CLASP1: variants seen among roughly 807,000 people sequenced by gnomAD.
The protein encoded by CLASP1 is CLIP-associating protein 1.
Under a neutral mutation model 192.3 loss-of-function variants are expected in CLASP1, and 38 were observed. The observed-to-expected ratio is 0.20, with a 90% CI of 0.15 to 0.26. CLASP1 has a LOEUF of 0.26. CLASP1 is among the 10% of genes least tolerant of loss of function. The pLI is 1.00. For missense variants in CLASP1, 1,433 were observed against 1,932.5 expected, an observed-to-expected ratio of 0.74 and a Z score of 4.85; for synonymous variants, 691 against 712.8, an observed-to-expected ratio of 0.97 and a Z score of 0.49.
intron 2 of CLASP1, among the ~76,000 whole-genome samples, chr2:121,569,430 T>A (rs1410832598): frequency 6.6e-6 from 1 of 152,242 alleles, no homozygotes; most frequent in Non-Finnish European, 1.5e-5. Flanking sequence ...AAGAGACAGC[T>A]AGGGCTAGGC....
At position 121,560,907 on chromosome 2, in the gene CLASP1, G is replaced by GT. The variant is rs201630642; in HGVS notation, c.196-30583dup. Among the ~76,000 whole-genome samples, 1,373 of 151,912 alleles carry GT rather than the reference G, an allele frequency of 9.0e-3. 23 individuals carry two copies. The highest frequency in any genetic ancestry group is 0.031 in the African/African-American group (1,301 of 41,444). On this transcript the variant is annotated intron_variant, in intron 2 of 39. Transcript: ENST00000263710. ...CTGCCACCACAACTGGCTAATTTTT[G>GT]TTTTTTTTGTTTGTTTGTTTTTTGT...
intron 39 of CLASP1, among the ~76,000 whole-genome samples, chr2:121,344,934 G>C (rs112475708): frequency 1.5e-3 from 236 of 152,302 alleles, no homozygotes; most frequent in African/African-American, 5.4e-3. Flanking sequence ...AAGGCAGGAG[G>C]ATCACCTGAG....
chr2:121,438,446 T>C (rs1385000532), intron 19 of CLASP1, among the ~76,000 whole-genome samples: 2 of 152,218 alleles, frequency 1.3e-5, no homozygotes, highest in East Asian at 3.8e-4. Context: ...GTCCACCTTG[T>C]CATGGATATA....
At chr2:121,436,157 T>G (rs6749782) in intron 19 of CLASP1, among the ~76,000 whole-genome samples, 38,239 of 151,680 alleles carry the variant, frequency 0.25, 7,690 homozygotes, top group African/African-American at 0.56. Context: ...TCAGTTTCCC[T>G]AGTAGCTGGG....
chr2:121,593,542 C>T (rs762050509), intron 2 of CLASP1, among the ~76,000 whole-genome samples: 2 of 145,692 alleles, frequency 1.4e-5, no homozygotes, highest in Admixed American at 7.0e-5. Context: ...TCGCTTGATC[C>T]GGGGAGGCGG....
At chr2:121,500,401 G>GAAAGA (rs1559450327) in intron 8 of CLASP1, among the ~76,000 whole-genome samples, 1 of 105,628 alleles carries the variant, frequency 9.5e-6, no homozygotes, top group Admixed American at 1.1e-4. Context: ...AGAAAGAAAA[G>GAAAGA]AAAGAAAGAA....
intron 8 of CLASP1, among the ~76,000 whole-genome samples, chr2:121,482,975 G>A (rs1313899911): frequency 6.6e-6 from 1 of 152,120 alleles, no homozygotes; most frequent in Non-Finnish European, 1.5e-5. Context: ...TGCTAGGTTC[G>A]CAGAGCTGGG....
chr2:121,543,892 C>T lies in CLASP1; in HGVS notation c.196-13567G>A, dbSNP rs948324009. Among the ~76,000 whole-genome samples, 5 of 152,244 alleles carry T rather than the reference C, an allele frequency of 3.3e-5. No individual in the cohort carries two copies. In the South Asian group the frequency reaches 6.2e-4, roughly 19 times the overall value. ...GGATAGGAAATCATGGGGCAGTGAA[C>T]GTCTATCTTACAAAGATTCTCTATT... On this transcript the variant is annotated intron_variant, in intron 2 of 39. Transcript: ENST00000263710.
At chr2:121,434,458 G>A (rs546711899) in intron 19 of CLASP1, among the ~76,000 whole-genome samples, 14 of 151,834 alleles carry the variant, frequency 9.2e-5, no homozygotes, top group African/African-American at 3.4e-4. Flanking sequence ...AGAGATGGGG[G>A]TCTCACTATG....
Position 121,387,212 on chromosome 2 carries a change from G to A in CLASP1, c.3284C>T (p.Thr1095Met), listed in dbSNP as rs773202450. Residue 1095 changes from threonine to methionine, a missense_variant, in exon 32 of 40, where the codon ACG (threonine) becomes ATG (methionine). By Grantham distance (81) the Thr-to-Met change is moderately conservative (BLOSUM62 -1). Coordinates refer to ENST00000263710, the Ensembl canonical transcript of CLASP1. The stretch of plus-strand genomic sequence containing the variant: ...GTGTCGGGAGGGCGTCCGGCCAATC[G>A]TATTGCTTGGAGAGCCCTGGGGTGA... 8 of 1,602,498 alleles carry A rather than the reference G, an allele frequency of 5.0e-6. 1 individual carries two copies. Among genetic ancestry groups the A allele is most frequent in the Middle Eastern group, 3.3e-4 (2 of 5,984 alleles).
chr2:121,627,396 C>T (rs931769482), intron 1 of CLASP1, among the ~76,000 whole-genome samples: 1 of 152,210 alleles, frequency 6.6e-6, no homozygotes, highest in African/African-American at 2.4e-5. Context: ...GGCAATCTGC[C>T]AGGCACTGCC....
chr2:121,535,717 C>T (rs1253785925), intron 2 of CLASP1, among the ~76,000 whole-genome samples: 1 of 150,488 alleles, frequency 6.6e-6, no homozygotes, highest in Non-Finnish European at 1.5e-5. Context: ...TGCGTGATTT[C>T]GGCTCACTGC....
At chr2:121,427,900 G>T (rs2080721713) in intron 20 of CLASP1, among the ~76,000 whole-genome samples, 1 of 149,894 alleles carries the variant, frequency 6.7e-6, no homozygotes, top group Non-Finnish European at 1.5e-5. Flanking sequence ...TATTAATGAA[G>T]CCTACTTAGT....
chr2:121,359,204 G>A (rs1192821680), intron 37 of CLASP1, among the ~76,000 whole-genome samples: 1 of 152,200 alleles, frequency 6.6e-6, no homozygotes, highest in Non-Finnish European at 1.5e-5. Context: ...GAATAAGGAT[G>A]TCTGAGAACA....
At chr2:121,478,786 ACACACACCACACAC>A (rs2092107941) in intron 8 of CLASP1, among the ~76,000 whole-genome samples, 2 of 64,066 alleles carry the variant, frequency 3.1e-5, no homozygotes, top group African/African-American at 1.2e-4. Context: ...CACACACCCC[ACACACACCACACAC>A]CACACACACA....
At chr2:121,448,437 T>C in intron 17 of CLASP1, 112 bp from the exon 18 acceptor site, 1 of 1,053,864 alleles carries the variant, frequency 9.5e-7, no homozygotes, top group Non-Finnish European at 1.4e-6. Context: ...GTTTTCAGAA[T>C]TTTTTGGGCA....
chr2:121,523,962 A>G (rs528169090), intron 6 of CLASP1, among the ~76,000 whole-genome samples: 2 of 152,342 alleles, frequency 1.3e-5, no homozygotes, highest in African/African-American at 2.4e-5. Context: ...TGTGGTGCAC[A>G]GCCATGCAGT....
At chr2:121,372,246 G>C (rs2068903843) in intron 34 of CLASP1, among the ~76,000 whole-genome samples, 1 of 152,138 alleles carries the variant, frequency 6.6e-6, no homozygotes, top group Non-Finnish European at 1.5e-5. Context: ...CCTTTGGCTA[G>C]AATGTCCTTC....
intron 32 of CLASP1, among the ~76,000 whole-genome samples, chr2:121,386,245 G>A (rs1402033945): frequency 2.0e-5 from 3 of 152,190 alleles, no homozygotes; most frequent in Non-Finnish European, 4.4e-5. Context: ...CATACTTGTG[G>A]TATTTGCATT....
Sources: gnomAD v4.1 joint callset for allele counts (sites outside exome capture counted in the v4.1 genomes callset) on GRCh38, gnomAD v4.1.1 for gene constraint, MANE v1.5 for transcripts, NCBI Gene and HGNC (gene_info 2026-07-23, HGNC 2026-07-21) for gene names.